The following EXO1 variants were observed in gnomAD, a reference collection of about 807,000 sequenced individuals.
EXO1 encodes the protein exonuclease 1.
Under a neutral mutation model 84.5 loss-of-function variants are expected in EXO1, and 69 were observed. The observed-to-expected ratio is 0.82, with a 90% confidence interval of 0.67 to 1.00. The LOEUF (loss-of-function observed/expected upper bound fraction) is 1.00. Ranked by LOEUF, EXO1 falls within the 50% of genes least tolerant of loss-of-function variation. EXO1 has a pLI of 0.00. For synonymous variants in EXO1, 373 were observed against 366.1 expected (o/e 1.02, Z -0.21); for missense variants, 1,045 against 1,000.7 (o/e 1.04, Z -0.60).
intron 15 of EXO1, 78 bp downstream of exon 15, chr1:241,885,585 TC>T: frequency 9.0e-7 from 1 of 1,106,120 alleles, no homozygotes; most frequent in Admixed American, 1.7e-5. Flanking sequence ...TCCCAACTCT[TC>T]CTAGTTTCGT....
chr1:241,883,558 G>A (rs1662886623), intron 14 of EXO1, among the ~76,000 whole-genome samples: 1 of 152,138 alleles, frequency 6.6e-6, no homozygotes, highest in African/African-American at 2.4e-5. Context: ...ATATGAATGT[G>A]AGGGAGACAC....
At chr1:241,861,333 T>C in intron 9 of EXO1, 73 bp from the exon 10 acceptor site, 1 of 820,910 alleles carries the variant, frequency 1.2e-6, no homozygotes, top group Non-Finnish European at 2.1e-6. Flanking sequence ...ATAGAAAACA[T>C]TTTTCCATCT....
At position 241,860,582 on chromosome 1, in the gene EXO1, G is replaced by T. The variant is rs763302707; in HGVS notation, c.822G>T (p.Gly274=). 1 of 1,613,994 alleles carries T rather than the reference G, an allele frequency of 6.2e-7. No individual in the cohort carries two copies. The highest frequency in any genetic ancestry group is 1.1e-5 in the South Asian group (1 of 91,080). ...CGGTACCAGAGGATTACATCAACGGGTTTATTCGGGCCAACAATACCTTCC... is the reference window on the plus strand; with the variant it reads ...CGGTACCAGAGGATTACATCAACGGTTTTATTCGGGCCAACAATACCTTCC... ...NITVPEDYIN[G]FIRANNTFLY... Residue 274 remains glycine, a synonymous_variant, in exon 9 of 16, where the codon GGG becomes GGT. Transcript: ENST00000366548.
At chr1:241,857,282 C>T (rs1661106967) in intron 6 of EXO1, 63 bp from the exon 7 acceptor site, 2 of 1,553,858 alleles carry the variant, frequency 1.3e-6, no homozygotes, top group South Asian at 1.1e-5. Flanking sequence ...GGGTTTGAAA[C>T]AGGAAGTTGT....
intron 10 of EXO1, among the ~76,000 whole-genome samples, chr1:241,862,202 C>T (rs572459457): frequency 1.1e-4 from 16 of 152,244 alleles, no homozygotes; most frequent in African/African-American, 3.4e-4. Flanking sequence ...CCTCCCAAAG[C>T]GCTGGGATTA....
In EXO1 at chr1:241,885,383, G is replaced by A; in HGVS notation, c.2281G>A (p.Ala761Thr). Residue 761 changes from alanine (A) to threonine (T), a missense_variant, in exon 15 of 16, where the codon GCC becomes ACC. By Grantham distance (58) the Ala-to-Thr change is moderately conservative. Transcript: ENST00000366548. ...AACCAAGATCAAACCTCTAGGACCTGCCAGAGCCAGTGGGCTGAGCAAGAA... is the reference window on the plus strand; with the variant it reads ...AACCAAGATCAAACCTCTAGGACCTACCAGAGCCAGTGGGCTGAGCAAGAA... ...STTKIKPLGPARASGLSKKPA... is the reference protein window; with the variant it reads ...STTKIKPLGPTRASGLSKKPA... 6.2e-7 allele frequency: 1 copy of A among 1,613,764 alleles called. No individual in the cohort carries two copies. The highest frequency in any genetic ancestry group is 8.5e-7 in the Non-Finnish European group (1 of 1,179,792).
intron 12 of EXO1, among the ~76,000 whole-genome samples, chr1:241,873,415 T>C (rs979435564): frequency 1.3e-5 from 2 of 152,224 alleles, no homozygotes; most frequent in African/African-American, 4.8e-5. Context: ...CCGTACAGAA[T>C]CAGAATAAAA....
chr1:241,857,214 A>G, intron 6 of EXO1, 131 bp from the exon 7 acceptor site: 1 of 856,160 alleles, frequency 1.2e-6, no homozygotes, highest in South Asian at 1.6e-5. Flanking sequence ...CTCTACTTCA[A>G]AGGAAATGAT....
chr1:241,857,576 A>G (rs908140818), intron 7 of EXO1, 94 bp downstream of exon 7: 1 of 448,966 alleles, frequency 2.2e-6, no homozygotes, highest in Non-Finnish European at 3.6e-6. Context: ...AATTATGATA[A>G]TTTATAATAT....
At chr1:241,851,384 T>C (rs561760005) in intron 4 of EXO1, among the ~76,000 whole-genome samples, 1 of 152,304 alleles carries the variant, frequency 6.6e-6, no homozygotes, top group East Asian at 1.9e-4. Context: ...AAAATAAGGA[T>C]AACAATGTAG....
chr1:241,854,722 TC>T, intron 6 of EXO1: 1 of 156,058 alleles, frequency 6.4e-6, no homozygotes, highest in Non-Finnish European at 1.4e-5. Context: ...TAAAAGTGTG[TC>T]CAGAATTGGT....
rs1362622668 is a variant in EXO1 at position 241,879,066 on chromosome 1, G to GGTCTGGA, written c.1834_1840dup (p.Gly614ValfsTer34). ...GGAACACTAAGAAGTTGTTTTAGTT[G>GGTCTGGA]GTCTGGAGGTCTTGGAGATTTTTCA... is the stretch of plus-strand genomic sequence containing the variant. On this transcript the variant is annotated frameshift_variant, in exon 13 of 16. Coordinates refer to ENST00000366548, the MANE Select transcript of EXO1 (RefSeq NM_130398.4). LOFTEE classifies it high-confidence loss of function. 6.2e-7 allele frequency: 1 copy of GGTCTGGA among 1,614,172 alleles called. No individual in the cohort carries two copies. Among genetic ancestry groups the GGTCTGGA allele is most frequent in the East Asian group, 2.2e-5 (1 of 44,890 alleles).
At position 241,872,201 on chromosome 1, in the gene EXO1, G is replaced by T; in HGVS notation, c.1437G>T (p.Thr479=). ...AGAGTGTAAGCACTCCACCTAGGACGAGAAATAAATTTGCAACATTTTTAC... is the reference window on the plus strand; with the variant it reads ...AGAGTGTAAGCACTCCACCTAGGACTAGAAATAAATTTGCAACATTTTTAC... The part of the protein sequence containing the change: ...NKKSVSTPPR[T]RNKFATFLQR... Residue 479 remains threonine (T), a synonymous_variant, in exon 12 of 16, where the codon ACG becomes ACT. Transcript: ENST00000366548. 6.2e-7 allele frequency: 1 copy of T among 1,613,894 alleles called. No individual in the cohort carries two copies. The highest frequency in any genetic ancestry group is 8.5e-7 in the Non-Finnish European group (1 of 1,179,874).
chr1:241,880,765 A>G (rs1372472466), intron 13 of EXO1, among the ~76,000 whole-genome samples: 2 of 152,290 alleles, frequency 1.3e-5, no homozygotes, highest in East Asian at 1.9e-4. Context: ...TTTTTATCCT[A>G]TAGTTCAGAA....
At chr1:241,882,745 C>G (rs1171060773) in intron 14 of EXO1, among the ~76,000 whole-genome samples, 1 of 152,034 alleles carries the variant, frequency 6.6e-6, no homozygotes, top group Non-Finnish European at 1.5e-5. Context: ...CATTAGTAAT[C>G]AAGTAGTGCA....
chr1:241,875,390 G>A (rs996449414), intron 12 of EXO1, among the ~76,000 whole-genome samples: 4 of 152,166 alleles, frequency 2.6e-5, no homozygotes, highest in African/African-American at 9.7e-5. Context: ...TGAACCACTG[G>A]TAGTTTCTTA....
intron 4 of EXO1, among the ~76,000 whole-genome samples, chr1:241,851,206 G>C (rs747865331): frequency 6.6e-6 from 1 of 152,064 alleles, no homozygotes; most frequent in African/African-American, 2.4e-5. Context: ...ACATTCTTGG[G>C]TACAGAAAAC....
chr1:241,855,850 A>G (rs1660990180), intron 6 of EXO1, among the ~76,000 whole-genome samples: 2 of 152,230 alleles, frequency 1.3e-5, no homozygotes, highest in Non-Finnish European at 2.9e-5. Context: ...CCTGGGGCCG[A>G]CAGGGCCGGC....
chr1:241,888,583 C>T (rs571577911), intron 15 of EXO1, among the ~76,000 whole-genome samples: 1 of 152,282 alleles, frequency 6.6e-6, no homozygotes, highest in East Asian at 1.9e-4. Context: ...GTGGAACATG[C>T]TTTGAAAACT....
Sources: gnomAD v4.1 joint callset for allele counts (sites outside exome capture counted in the v4.1 genomes callset) on GRCh38, gnomAD v4.1.1 for gene constraint, MANE v1.5 for transcripts, NCBI Gene and HGNC (gene_info 2026-07-23, HGNC 2026-07-21) for gene names.